PRKCE: variants seen among roughly 807,000 people sequenced by gnomAD.
PRKCE encodes the protein protein kinase C epsilon type.
In PRKCE, 16 loss-of-function variants were observed where a neutral mutation model predicts 85.4. That is an observed-to-expected ratio of 0.19 (90% CI 0.13 to 0.28). The LOEUF is 0.28. PRKCE is among the 10% of genes least tolerant of loss of function. The pLI, the probability that PRKCE is intolerant of heterozygous loss-of-function variation, is 1.00. For missense variants in PRKCE, 573 were observed against 975.2 expected, an observed-to-expected ratio of 0.59 and a Z score of 5.49; for synonymous variants, 388 against 371.5, an observed-to-expected ratio of 1.04 and a Z score of -0.51.
chr2:45,765,746 G>A (rs1333043955), intron 1 of PRKCE, among the ~76,000 whole-genome samples: 2 of 152,230 alleles, frequency 1.3e-5, no homozygotes, highest in African/African-American at 2.4e-5. Context: ...AGACCACCCA[G>A]TGGGATCCTG....
chr2:45,762,898 G>T (rs1402200461), intron 1 of PRKCE, among the ~76,000 whole-genome samples: 1 of 152,052 alleles, frequency 6.6e-6, no homozygotes, highest in Non-Finnish European at 1.5e-5. Context: ...ACAGGTAGGT[G>T]CTGGGAGAAA....
chr2:45,842,873 T>C, intron 1 of PRKCE, 127 bp from the exon 2 acceptor site: 1 of 828,944 alleles, frequency 1.2e-6, no homozygotes. Flanking sequence ...ACTCAACACA[T>C]TGTAGGTTGG....
chr2:45,728,742 T>C (rs529057498), intron 1 of PRKCE, among the ~76,000 whole-genome samples: 1 of 152,194 alleles, frequency 6.6e-6, no homozygotes, highest in South Asian at 2.1e-4. Flanking sequence ...CAATAACAGC[T>C]GCTAATTATT....
intron 1 of PRKCE, among the ~76,000 whole-genome samples, chr2:45,682,713 A>G (rs1677004356): frequency 6.6e-6 from 1 of 152,166 alleles, no homozygotes; most frequent in African/African-American, 2.4e-5. Flanking sequence ...CAGCCTCACA[A>G]GTAGCTGGGA....
At chr2:45,946,005 C>T (rs186573243) in intron 2 of PRKCE, among the ~76,000 whole-genome samples, 14 of 152,364 alleles carry the variant, frequency 9.2e-5, no homozygotes, top group African/African-American at 2.2e-4. Context: ...TCTGCATGTA[C>T]AAGTTGTTTT....
intron 1 of PRKCE, among the ~76,000 whole-genome samples, chr2:45,703,024 C>G (rs609645): frequency 0.26 from 38,276 of 147,710 alleles, 5,568 homozygotes; most frequent in Middle Eastern, 0.33. Flanking sequence ...CCTTTTTTCC[C>G]CCCCCGTCAG....
intron 11 of PRKCE, among the ~76,000 whole-genome samples, chr2:46,091,239 A>T (rs1463357312): frequency 7.2e-5 from 11 of 152,106 alleles, no homozygotes; most frequent in Non-Finnish European, 1.0e-4. Flanking sequence ...TATGGCATTT[A>T]ACCACCTGCC....
intron 2 of PRKCE, among the ~76,000 whole-genome samples, chr2:45,888,031 G>A (rs1217490467): frequency 6.6e-6 from 1 of 152,196 alleles, no homozygotes; most frequent in Non-Finnish European, 1.5e-5. Context: ...CATGATCTGT[G>A]ATCATTAGAA....
intron 11 of PRKCE, 43 bp downstream of exon 11, chr2:46,086,405 A>C (rs1051349822): frequency 1.3e-6 from 2 of 1,584,334 alleles, no homozygotes; most frequent in Non-Finnish European, 8.5e-7. Flanking sequence ...TGAAGAAAAT[A>C]AAGGATGCTT....
At chr2:45,668,961 C>T (rs1336941047) in intron 1 of PRKCE, among the ~76,000 whole-genome samples, 1 of 152,152 alleles carries the variant, frequency 6.6e-6, no homozygotes, top group Non-Finnish European at 1.5e-5. Flanking sequence ...CTTATTTCCC[C>T]AAGTCCCTGA....
intron 14 of PRKCE, among the ~76,000 whole-genome samples, chr2:46,178,578 T>C (rs1679664203): frequency 6.6e-6 from 1 of 152,224 alleles, no homozygotes; most frequent in Non-Finnish European, 1.5e-5. Context: ...AATTCGAATG[T>C]ATGGCTATGA....
At chr2:45,809,632 C>T (rs1340389109) in intron 1 of PRKCE, among the ~76,000 whole-genome samples, 1 of 151,822 alleles carries the variant, frequency 6.6e-6, no homozygotes, top group East Asian at 1.9e-4. Flanking sequence ...GCCTGTAATC[C>T]CAGCCCTTCG....
intron 1 of PRKCE, among the ~76,000 whole-genome samples, chr2:45,782,271 A>G (rs1272275907): frequency 6.6e-6 from 1 of 152,024 alleles, no homozygotes; most frequent in Non-Finnish European, 1.5e-5. Flanking sequence ...CCTGGGAATG[A>G]ATGTTGATTT....
At chr2:45,886,123 C>T (rs369705426) in intron 2 of PRKCE, among the ~76,000 whole-genome samples, 23 of 152,288 alleles carry the variant, frequency 1.5e-4, no homozygotes, top group East Asian at 1.2e-3. Context: ...CTTACCTGTC[C>T]GGGCCATGGG....
intron 1 of PRKCE, among the ~76,000 whole-genome samples, chr2:45,813,805 C>T (rs948200463): frequency 6.6e-6 from 1 of 152,178 alleles, no homozygotes; most frequent in African/African-American, 2.4e-5. Context: ...TGTCAGGAAT[C>T]GTTGAGCTGA....
chr2:45,925,975 A>G (rs12986554), intron 2 of PRKCE, among the ~76,000 whole-genome samples: 76,624 of 152,066 alleles, frequency 0.5, 19,563 homozygotes, highest in South Asian at 0.63. Flanking sequence ...TTCAGTGGGT[A>G]GAATCAGGTT....
intron 10 of PRKCE, among the ~76,000 whole-genome samples, chr2:46,033,701 C>G (rs1707682501): frequency 6.6e-6 from 1 of 152,220 alleles, no homozygotes; most frequent in South Asian, 2.1e-4. Context: ...AGCTATGAGC[C>G]TTATCCTCAA....
intron 1 of PRKCE, among the ~76,000 whole-genome samples, chr2:45,816,691 C>G (rs773779334): frequency 3.3e-5 from 5 of 152,192 alleles, no homozygotes; most frequent in Non-Finnish European, 7.3e-5. Flanking sequence ...CAGCCTATTC[C>G]TGTACCAGGG....
intron 10 of PRKCE, among the ~76,000 whole-genome samples, chr2:46,063,976 T>C (rs1667382605): frequency 6.6e-6 from 1 of 152,170 alleles, no homozygotes; most frequent in South Asian, 2.1e-4. Context: ...AACAGTATTT[T>C]ACTGTCTATG....
Sources: allele counts gnomAD v4.1 joint callset (sites outside exome capture counted in the v4.1 genomes callset), GRCh38; gene constraint gnomAD v4.1.1; transcripts MANE v1.5; gene names NCBI Gene and HGNC (gene_info 2026-07-23, HGNC 2026-07-21).